Variants in GNA12 observed in about 807,000 individuals in gnomAD.
GNA12 encodes G protein subunit alpha 12.
In GNA12, 9 loss-of-function variants were observed where a neutral mutation model predicts 26.0. The ratio of observed to expected loss-of-function variants is 0.35; its 90% CI spans 0.21 to 0.60. GNA12 has a LOEUF of 0.60. Among genes scored for constraint, GNA12 ranks in the 20% least tolerant of loss-of-function variants. The probability of loss-of-function intolerance (pLI) is 0.78; values close to 1 mark genes in which losing one functional copy is unlikely to be tolerated. For synonymous variants in GNA12, 264 were observed against 219.6 expected (o/e 1.20, Z -1.79); for missense variants, 405 against 525.8 (o/e 0.77, Z 2.25).
chr7:2,768,690 A>G (rs13240877), intron 2 of GNA12, among the ~76,000 whole-genome samples: 1 of 149,174 alleles, frequency 6.7e-6, no homozygotes, highest in Non-Finnish European at 1.5e-5. Flanking sequence ...AACAAAACAA[A>G]AAAAAAAACA....
intron 2 of GNA12, among the ~76,000 whole-genome samples, chr7:2,747,613 G>A (rs999093391): frequency 2.0e-5 from 3 of 152,202 alleles, no homozygotes; most frequent in African/African-American, 7.2e-5. Context: ...ACTGGCACAA[G>A]ACAGGGATGC....
At chr7:2,772,559 C>CAAA (rs60736477) in intron 2 of GNA12, among the ~76,000 whole-genome samples, 16 of 113,888 alleles carry the variant, frequency 1.4e-4, no homozygotes, top group African/African-American at 3.2e-4. Context: ...GACTCCATCT[C>CAAA]AAAAAAAAAA....
At chr7:2,798,568 A>G (rs1463179232) in intron 1 of GNA12, among the ~76,000 whole-genome samples, 1 of 152,254 alleles carries the variant, frequency 6.6e-6, no homozygotes, top group Non-Finnish European at 1.5e-5. Flanking sequence ...AGAAGATTCA[A>G]CACGGTACCA....
chr7:2,807,923 A>G lies in GNA12; in HGVS notation c.310-12780T>C, dbSNP rs182644418. On this transcript the variant is annotated intron_variant, in intron 1 of 3. Coordinates refer to ENST00000275364, the MANE Select transcript of GNA12 (RefSeq NM_007353.3). Reference sequence around the variant, plus strand: ...GAGCTCATGAAAAACCTGTTCGCGCAGAAACCGCTCTGTGCCCCGTGGAGG... The same window carrying G: ...GAGCTCATGAAAAACCTGTTCGCGCGGAAACCGCTCTGTGCCCCGTGGAGG... 9.6e-4 allele frequency among the ~76,000 whole-genome samples: 146 copies of G among 152,314 alleles called. 1 individual carries two copies. Among genetic ancestry groups the G allele is most frequent in the African/African-American group, 3.3e-3 (137 of 41,568 alleles).
chr7:2,798,647 T>C (rs1792735821), intron 1 of GNA12, among the ~76,000 whole-genome samples: 1 of 152,240 alleles, frequency 6.6e-6, no homozygotes, highest in Non-Finnish European at 1.5e-5. Context: ...TTTGTAGATA[T>C]AAATATGATT....
intron 1 of GNA12, among the ~76,000 whole-genome samples, chr7:2,816,040 C>T (rs1189961220): frequency 1.3e-5 from 2 of 152,214 alleles, no homozygotes; most frequent in African/African-American, 4.8e-5. Flanking sequence ...CCCGGAGAGA[C>T]CCTGGCCGCC....
At chr7:2,737,659 C>T (rs1265415538) in intron 2 of GNA12, among the ~76,000 whole-genome samples, 2 of 152,062 alleles carry the variant, frequency 1.3e-5, no homozygotes, top group African/African-American at 4.8e-5. Context: ...ACACTGTGAC[C>T]GAAAACAGGG....
chr7:2,822,287 C>T (rs1474418161), intron 1 of GNA12, among the ~76,000 whole-genome samples: 2 of 152,098 alleles, frequency 1.3e-5, no homozygotes, highest in African/African-American at 4.8e-5. Flanking sequence ...CTTCACTGGG[C>T]AATTTCTTCA....
intron 2 of GNA12, among the ~76,000 whole-genome samples, chr7:2,779,410 T>C (rs1414180906): frequency 6.6e-6 from 1 of 151,770 alleles, no homozygotes; most frequent in Non-Finnish European, 1.5e-5. Flanking sequence ...CTCGAGAGAC[T>C]GAAGTGGGAG....
At chr7:2,772,691 G>C (rs918290479) in intron 2 of GNA12, among the ~76,000 whole-genome samples, 1 of 152,218 alleles carries the variant, frequency 6.6e-6, no homozygotes, top group African/African-American at 2.4e-5. Flanking sequence ...GTGTTGGTTA[G>C]AACGTGGACT....
chr7:2,824,404 C>A (rs375935925), intron 1 of GNA12, among the ~76,000 whole-genome samples: 1 of 152,186 alleles, frequency 6.6e-6, no homozygotes, highest in Non-Finnish European at 1.5e-5. Context: ...TCTGGGTCTG[C>A]GGAGGCCTCT....
chr7:2,752,235 G>C (rs1353821396), intron 2 of GNA12, among the ~76,000 whole-genome samples: 1 of 152,094 alleles, frequency 6.6e-6, no homozygotes, highest in Non-Finnish European at 1.5e-5. Flanking sequence ...TTCAACACAT[G>C]CTCAGGGCTT....
At chr7:2,764,272 G>A (rs1791710227) in intron 2 of GNA12, among the ~76,000 whole-genome samples, 1 of 149,794 alleles carries the variant, frequency 6.7e-6, no homozygotes, top group African/African-American at 2.5e-5. Flanking sequence ...TAATAAAGAT[G>A]GGATCTCACT....
At chr7:2,818,036 A>G (rs770640628) in intron 1 of GNA12, among the ~76,000 whole-genome samples, 13 of 152,246 alleles carry the variant, frequency 8.5e-5, no homozygotes, top group Non-Finnish European at 1.6e-4. Context: ...TAATGTTTCA[A>G]GTGGGACTGT....
At chr7:2,733,555 T>G in intron 2 of GNA12, 54 bp from the exon 3 acceptor site, 1 of 1,408,902 alleles carries the variant, frequency 7.1e-7, no homozygotes, top group Non-Finnish European at 1.0e-6. Flanking sequence ...AATCCTGATG[T>G]GGCAAATACA....
rs139760802 is a variant in GNA12, at chr7:2,772,120, T to C, written c.525+22808A>G. On this transcript the variant is annotated intron_variant, in intron 2 of 3. Transcript: ENST00000275364. ...CTTTTAAAAAAATTGTTTTCTTGAG[T>C]TTTGAGAGTTCTTTACATATTCCGG... Among the ~76,000 whole-genome samples, 204 of 152,338 alleles carry C rather than the reference T, an allele frequency of 1.3e-3. 2 individuals carry two copies. Among genetic ancestry groups the C allele is most frequent in the African/African-American group, 4.5e-3 (185 of 41,572 alleles).
At chr7:2,834,907 G>A (rs1168015824) in intron 1 of GNA12, among the ~76,000 whole-genome samples, 2 of 152,116 alleles carry the variant, frequency 1.3e-5, no homozygotes, top group South Asian at 2.1e-4. Flanking sequence ...CTCACCTAAC[G>A]ATGCATTTCC....
At chr7:2,751,553 G>C (rs564010353) in intron 2 of GNA12, among the ~76,000 whole-genome samples, 29 of 152,170 alleles carry the variant, frequency 1.9e-4, no homozygotes, top group Admixed American at 1.5e-3. Flanking sequence ...AATGGAAAAT[G>C]AATTTTGCAA....
intron 1 of GNA12, among the ~76,000 whole-genome samples, chr7:2,798,806 G>A (rs1007611548): frequency 6.6e-6 from 1 of 152,192 alleles, no homozygotes; most frequent in African/African-American, 2.4e-5. Flanking sequence ...CAGACCCACA[G>A]ATCAATGGAA....
Sources: allele counts gnomAD v4.1 joint callset (sites outside exome capture counted in the v4.1 genomes callset), GRCh38; gene constraint gnomAD v4.1.1; transcripts MANE v1.5; gene names NCBI Gene and HGNC (gene_info 2026-07-23, HGNC 2026-07-21).